Variants in IGSF11 observed in about 807,000 individuals in gnomAD.
IGSF11 encodes immunoglobulin superfamily member 11.
Under a neutral mutation model 41.0 loss-of-function variants are expected in IGSF11, and 22 were observed. That is an observed-to-expected ratio of 0.54 (90% CI 0.38 to 0.77). The LOEUF is 0.77. IGSF11 is among the 30% of genes least tolerant of loss of function. The probability of loss-of-function intolerance (pLI) is 0.00; values close to 1 mark genes in which losing one functional copy is unlikely to be tolerated. For synonymous variants in IGSF11, 219 were observed against 201.3 expected (o/e 1.09, Z -0.74); for missense variants, 444 against 530.8 (o/e 0.84, Z 1.61).
intron 1 of IGSF11, among the ~76,000 whole-genome samples, chr3:119,060,057 G>T (rs1394378493): frequency 1.3e-5 from 2 of 152,146 alleles, no homozygotes; most frequent in Non-Finnish European, 2.9e-5. Context: ...TGTTCCTTTG[G>T]TGTCATTTGG....
intron 1 of IGSF11, among the ~76,000 whole-genome samples, chr3:119,053,455 A>G (rs1023122401): frequency 6.6e-6 from 1 of 152,174 alleles, no homozygotes; most frequent in Non-Finnish European, 1.5e-5. Context: ...AATGTACCTA[A>G]CCAAGGAAAT....
intron 1 of IGSF11, among the ~76,000 whole-genome samples, chr3:118,969,504 A>C (rs1159376770): frequency 6.6e-6 from 1 of 152,162 alleles, no homozygotes; most frequent in East Asian, 1.9e-4. Context: ...AAGAATCAAC[A>C]TGTCCAGGCC....
chr3:118,967,235 T>A (rs1428221219), intron 1 of IGSF11, among the ~76,000 whole-genome samples: 2 of 152,026 alleles, frequency 1.3e-5, no homozygotes, highest in Non-Finnish European at 2.9e-5. Context: ...ATATATATAA[T>A]CTTTTAAATA....
At chr3:119,037,908 T>G (rs920323071), upstream of IGSF11, among the ~76,000 whole-genome samples, 2 of 152,216 alleles carry the variant, frequency 1.3e-5, no homozygotes, top group Non-Finnish European at 2.9e-5. Context: ...TATATATAAA[T>G]TAAAGGTTAA....
intron 1 of IGSF11, among the ~76,000 whole-genome samples, chr3:119,137,859 T>C (rs191034560): frequency 2.6e-5 from 4 of 152,162 alleles, no homozygotes; most frequent in East Asian, 1.9e-4. Flanking sequence ...AACAACTCTA[T>C]TGGAAAAAAT....
intron 1 of IGSF11, among the ~76,000 whole-genome samples, chr3:119,104,729 T>C (rs766003340): frequency 2.6e-5 from 4 of 152,158 alleles, no homozygotes; most frequent in Non-Finnish European, 4.4e-5. Context: ...AAACTGACTA[T>C]ACATTTTACT....
At chr3:119,125,993 T>C (rs2077399651) in intron 1 of IGSF11, among the ~76,000 whole-genome samples, 1 of 152,252 alleles carries the variant, frequency 6.6e-6, no homozygotes. Flanking sequence ...AGCTGGAATC[T>C]GCTTAAGCCT....
chr3:119,097,866 C>T (rs2076878816), intron 1 of IGSF11, among the ~76,000 whole-genome samples: 1 of 151,412 alleles, frequency 6.6e-6, no homozygotes, highest in South Asian at 2.1e-4. Flanking sequence ...ACACAGCTTA[C>T]TGCAGCTTCA....
chr3:119,058,227 G>C (rs1380055393), intron 1 of IGSF11, among the ~76,000 whole-genome samples: 2 of 151,986 alleles, frequency 1.3e-5, no homozygotes, highest in Non-Finnish European at 2.9e-5. Flanking sequence ...CTACTCATCT[G>C]ACAAAGGGCT....
chr3:119,073,933 C>T (rs111575880), intron 1 of IGSF11, among the ~76,000 whole-genome samples: 2,823 of 152,324 alleles, frequency 0.019, 74 homozygotes, highest in African/African-American at 0.057. Context: ...GAGCGAGGGA[C>T]GCGAGGGCTG....
chr3:118,995,152 G>C (rs1936142538), intron 1 of IGSF11, among the ~76,000 whole-genome samples: 1 of 152,190 alleles, frequency 6.6e-6, no homozygotes, highest in Admixed American at 6.5e-5. Flanking sequence ...GAAATTATCA[G>C]ATTTATTTTA....
chr3:118,913,606 T>C (rs999545146), intron 4 of IGSF11, among the ~76,000 whole-genome samples: 5 of 151,754 alleles, frequency 3.3e-5, no homozygotes, highest in Admixed American at 6.6e-5. Flanking sequence ...AAAACAAACA[T>C]GAGAACAACA....
At chr3:119,108,068 C>A (rs961912791), upstream of IGSF11, among the ~76,000 whole-genome samples, 4 of 150,488 alleles carry the variant, frequency 2.7e-5, no homozygotes, top group East Asian at 3.9e-4. Context: ...CTTGGCAATG[C>A]GGGCTCTTTT....
chr3:118,928,745 G>A, intron 2 of IGSF11, 29 bp from the exon 3 acceptor site: 1 of 1,538,140 alleles, frequency 6.5e-7, no homozygotes, highest in Non-Finnish European at 8.9e-7. Flanking sequence ...TAAATAAACT[G>A]GCCACTCTAT....
intron 1 of IGSF11, among the ~76,000 whole-genome samples, chr3:119,052,966 C>A (rs747378874): frequency 1.3e-5 from 2 of 152,168 alleles, no homozygotes; most frequent in African/African-American, 4.8e-5. Flanking sequence ...TTAAAACCCT[C>A]TGCAAAATCA....
Position 118,928,347 on chromosome 3 carries a change from A to G in IGSF11, c.424+162T>C, listed in dbSNP as rs76738863. Among the ~76,000 whole-genome samples, 346 of 152,330 alleles carry G rather than the reference A, an allele frequency of 2.3e-3. 3 individuals are homozygous for G. Among genetic ancestry groups the G allele is most frequent in the African/African-American group, 8.1e-3 (338 of 41,566 alleles). On this transcript the variant is annotated intron_variant, in intron 3 of 6. Coordinates refer to ENST00000393775, the MANE Select transcript of IGSF11 (RefSeq NM_001015887.3). The stretch of plus-strand genomic sequence containing the variant: ...GAAATGAAGAAAGGAGGGGGAGACT[A>G]TCTGTAAGAAGCATGGAGAAGGAGA...
upstream of IGSF11, among the ~76,000 whole-genome samples, chr3:119,037,473 G>A (rs1301123094): frequency 6.6e-6 from 1 of 152,118 alleles, no homozygotes; most frequent in Non-Finnish European, 1.5e-5. Flanking sequence ...GACACCACCT[G>A]AGAAGCTATA....
intron 1 of IGSF11, among the ~76,000 whole-genome samples, chr3:119,048,988 G>A (rs1941495738): frequency 6.6e-6 from 1 of 151,974 alleles, no homozygotes; most frequent in Admixed American, 6.6e-5. Flanking sequence ...GGTATTGATG[G>A]GACGTATTTC....
At chr3:119,050,057 C>T (rs1372590386) in intron 1 of IGSF11, among the ~76,000 whole-genome samples, 3 of 148,106 alleles carry the variant, frequency 2.0e-5, no homozygotes, top group Non-Finnish European at 1.5e-5. Flanking sequence ...TAGAAGAAAA[C>T]CTAGGCATTA....
Sources: allele counts gnomAD v4.1 joint callset (sites outside exome capture counted in the v4.1 genomes callset), GRCh38; gene constraint gnomAD v4.1.1; transcripts MANE v1.5; gene names NCBI Gene and HGNC (gene_info 2026-07-23, HGNC 2026-07-21).